LSAMP: variants seen among roughly 807,000 people sequenced by gnomAD.
LSAMP encodes the protein limbic system associated membrane protein.
In LSAMP, 7 loss-of-function variants were observed where a neutral mutation model predicts 38.6. The ratio of observed to expected loss-of-function variants is 0.18; its 90% CI spans 0.10 to 0.34. The LOEUF (loss-of-function observed/expected upper bound fraction) is 0.34, where lower values mean the gene tolerates loss of function less well. Among genes scored for constraint, LSAMP ranks in the 10% least tolerant of loss-of-function variants. The pLI is 1.00. For synonymous variants in LSAMP, 154 were observed against 166.8 expected, an observed-to-expected ratio of 0.92 and a Z score of 0.59; for missense variants, 313 against 420.0, an observed-to-expected ratio of 0.75 and a Z score of 2.23.
chr3:116,130,776 TTACC>T (rs1021997671), intron 1 of LSAMP, among the ~76,000 whole-genome samples: 2 of 152,062 alleles, frequency 1.3e-5, no homozygotes, highest in African/African-American at 2.4e-5. Context: ...ATTGAAAAAA[TTACC>T]TACCCAGAAA....
intron 1 of LSAMP, among the ~76,000 whole-genome samples, chr3:116,271,932 A>G (rs916673691): frequency 3.3e-5 from 5 of 152,094 alleles, no homozygotes; most frequent in Non-Finnish European, 5.9e-5. Context: ...GTGAATAAAA[A>G]AATAATATGG....
chr3:116,140,184 T>A (rs1709339084), intron 1 of LSAMP, among the ~76,000 whole-genome samples: 1 of 152,000 alleles, frequency 6.6e-6, no homozygotes, highest in Non-Finnish European at 1.5e-5. Context: ...TAAATTAAGA[T>A]GTGGTGTATA....
At chr3:115,888,684 T>C (rs1936517879) in intron 3 of LSAMP, among the ~76,000 whole-genome samples, 1 of 152,050 alleles carries the variant, frequency 6.6e-6, no homozygotes, top group African/African-American at 2.4e-5. Flanking sequence ...AACCCTTCTT[T>C]TTGTTGTTTT....
intron 2 of LSAMP, among the ~76,000 whole-genome samples, chr3:116,059,043 T>A (rs1450333556): frequency 6.6e-6 from 1 of 152,126 alleles, no homozygotes; most frequent in Non-Finnish European, 1.5e-5. Context: ...ACATTCCCTA[T>A]CTAGTTAAGA....
At chr3:116,050,057 C>CTTCTGGCTTCCAATTGGG (rs1941365159) in intron 2 of LSAMP, among the ~76,000 whole-genome samples, 1 of 152,194 alleles carries the variant, frequency 6.6e-6, no homozygotes, top group Non-Finnish European at 1.5e-5. Flanking sequence ...ATATCAATGA[C>CTTCTGGCTTCCAATTGGG]ATCCTTGTCT....
At chr3:116,420,701 T>C (rs1403553994) in intron 1 of LSAMP, among the ~76,000 whole-genome samples, 1 of 151,514 alleles carries the variant, frequency 6.6e-6, no homozygotes, top group African/African-American at 2.4e-5. Flanking sequence ...TGAAACCCCA[T>C]CTCTAATTTT....
Position 116,133,021 on chromosome 3 carries a change from A to C in LSAMP, c.156-46465T>G, listed in dbSNP as rs573447154. Among the ~76,000 whole-genome samples, 3 of 152,292 alleles carry C rather than the reference A, an allele frequency of 2.0e-5. No individual in the cohort carries two copies. In the South Asian group the frequency reaches 6.2e-4, roughly 32 times the overall value. On this transcript the variant is annotated intron_variant, in intron 1 of 6. Transcript: ENST00000490035. ...AAATGGTGCCTCAGATCACTAAACC[A>C]AAGTTTTGTGACACGGCCAAGCCTC...
intron 1 of LSAMP, among the ~76,000 whole-genome samples, chr3:116,250,464 G>T (rs2107647900): frequency 6.6e-6 from 1 of 152,072 alleles, no homozygotes; most frequent in East Asian, 1.9e-4. Flanking sequence ...ATTCAAGAAA[G>T]AACCATTTCT....
chr3:115,875,118 C>T (rs1936147846), intron 3 of LSAMP, among the ~76,000 whole-genome samples: 2 of 152,058 alleles, frequency 1.3e-5, no homozygotes, highest in East Asian at 1.9e-4. Context: ...GTAACACAAA[C>T]TATCTACTAC....
chr3:116,225,515 C>A (rs1263689385), intron 1 of LSAMP, among the ~76,000 whole-genome samples: 1 of 152,182 alleles, frequency 6.6e-6, no homozygotes, highest in African/African-American at 2.4e-5. Flanking sequence ...GAAACTAATA[C>A]AACCCTTCTA....
At chr3:115,922,520 C>A (rs1291679404) in intron 3 of LSAMP, among the ~76,000 whole-genome samples, 1 of 151,972 alleles carries the variant, frequency 6.6e-6, no homozygotes, top group Non-Finnish European at 1.5e-5. Context: ...ATTTTGAATT[C>A]TTTGTCAGGT....
intron 3 of LSAMP, among the ~76,000 whole-genome samples, chr3:115,860,708 G>T (rs1935649754): frequency 6.6e-6 from 1 of 152,154 alleles, no homozygotes. Context: ...ACACAAAAAT[G>T]CCAGCAACCA....
intron 1 of LSAMP, among the ~76,000 whole-genome samples, chr3:116,231,570 C>T (rs548121638): frequency 6.6e-6 from 1 of 152,266 alleles, no homozygotes; most frequent in South Asian, 2.1e-4. Flanking sequence ...CAGTGAAAAA[C>T]GTAACCCTTG....
intron 2 of LSAMP, among the ~76,000 whole-genome samples, chr3:116,057,774 C>A (rs948163073): frequency 1.3e-5 from 2 of 152,052 alleles, no homozygotes; most frequent in Admixed American, 1.3e-4. Flanking sequence ...AAATTAAACA[C>A]CCTTGTGTTT....
intron 6 of LSAMP, among the ~76,000 whole-genome samples, chr3:115,818,952 G>C (rs1934136079): frequency 6.7e-6 from 1 of 150,034 alleles, no homozygotes; most frequent in African/African-American, 2.5e-5. Flanking sequence ...CTGAGGTCGG[G>C]AGTTTGAGGC....
chr3:116,444,895 C>G lies in LSAMP; in HGVS notation c.137G>C (p.Gly46Ala). The G allele has an allele frequency of 6.2e-7, 1 of 1,614,106 alleles. No individual in the cohort carries two copies. Among genetic ancestry groups the G allele is most frequent in the Non-Finnish European group, 8.5e-7 (1 of 1,180,026 alleles). Residue 46 changes from glycine (G) to alanine (A), a missense_variant, in exon 1 of 7, where the codon GGG becomes GCG. By Grantham distance (60) the Gly-to-Ala change is moderately conservative. Coordinates refer to ENST00000490035, the MANE Select transcript of LSAMP (RefSeq NM_002338.5). ...GCCCTACCTGAGGATGGCTGTGTCC[C>G]CCTGCCTCACGGTGATGTTGTCCGT... ...RGTDNITVRQ[G>A]DTAILRCVVE...
intron 2 of LSAMP, among the ~76,000 whole-genome samples, chr3:116,072,247 T>C (rs1237897509): frequency 6.6e-6 from 1 of 152,144 alleles, no homozygotes; most frequent in Non-Finnish European, 1.5e-5. Context: ...AGTGCTGGGA[T>C]TACAGGCGTG....
intron 1 of LSAMP, among the ~76,000 whole-genome samples, chr3:116,169,177 CTGAG>C (rs2107550317): frequency 6.6e-6 from 1 of 152,274 alleles, no homozygotes; most frequent in South Asian, 2.1e-4. Context: ...CCATTCCAGC[CTGAG>C]TGACAGATTG....
intron 1 of LSAMP, among the ~76,000 whole-genome samples, chr3:116,118,888 C>T (rs1323300763): frequency 6.6e-6 from 1 of 152,004 alleles, no homozygotes; most frequent in Non-Finnish European, 1.5e-5. Flanking sequence ...ATTTATCATC[C>T]ATGTGATCAT....
Sources: allele counts gnomAD v4.1 joint callset (sites outside exome capture counted in the v4.1 genomes callset), GRCh38; gene constraint gnomAD v4.1.1; transcripts MANE v1.5; gene names NCBI Gene and HGNC (gene_info 2026-07-23, HGNC 2026-07-21).